The following LARGE1 variants were observed in gnomAD, a reference collection of about 807,000 sequenced individuals.
LARGE1 encodes LARGE xylosyl- and glucuronyltransferase 1, also known as xylosyl- and glucuronyltransferase LARGE1.
A neutral mutation model predicts 87.6 loss-of-function variants in LARGE1; 43 were observed. The observed-to-expected ratio is 0.49, with a 90% CI of 0.38 to 0.63. LARGE1 has a LOEUF of 0.63. LARGE1 is among the 30% of genes least tolerant of loss of function. The pLI is 0.00. For synonymous variants in LARGE1, 434 were observed against 394.6 expected (o/e 1.10, Z -1.18); for missense variants, 802 against 1,000.2 (o/e 0.80, Z 2.67).
chr22:33,657,893 C>A (rs923919205), intron 2 of LARGE1, among the ~76,000 whole-genome samples: 4 of 151,684 alleles, frequency 2.6e-5, no homozygotes, highest in African/African-American at 9.7e-5. Flanking sequence ...ATTTATGCAA[C>A]GCTGTCATGA....
At chr22:33,203,087 C>CTGTG (rs1407838708) in intron 11 of LARGE1, among the ~76,000 whole-genome samples, 3 of 134,026 alleles carry the variant, frequency 2.2e-5, no homozygotes, top group African/African-American at 8.5e-5. Flanking sequence ...CTCTCTCTCT[C>CTGTG]TCTCTCTCTC....
the LARGE1 span, among the ~76,000 whole-genome samples, chr22:33,146,023 C>T: frequency 6.6e-6 from 1 of 152,158 alleles, no homozygotes; most frequent in African/African-American, 2.4e-5. Flanking sequence ...CCATTCAACT[C>T]CTTTATTAAG....
At chr22:33,323,947 C>G (rs1449785312) in intron 10 of LARGE1, among the ~76,000 whole-genome samples, 1 of 152,140 alleles carries the variant, frequency 6.6e-6, no homozygotes, top group Non-Finnish European at 1.5e-5. Context: ...AAACTGCCTC[C>G]TTGGCCAGAT....
rs1307893839 is a variant in LARGE1, at chr22:33,834,417, T to C, written c.-82-72859A>G. Among the ~76,000 whole-genome samples, 3 of 152,128 alleles carry C rather than the reference T, an allele frequency of 2.0e-5. No individual in the cohort carries two copies. In the South Asian group the frequency reaches 6.2e-4, roughly 31 times the overall value. On this transcript the variant is annotated intron_variant, in intron 1 of 14. Coordinates refer to ENST00000397394, the MANE Select transcript of LARGE1 (RefSeq NM_133642.5). ...CAGGTTCCTGCCTTAACTGATGACA[T>C]TACCTTGTGAAACTCCTTCTCCTGG...
the LARGE1 span, among the ~76,000 whole-genome samples, chr22:33,099,903 T>C: frequency 6.6e-6 from 1 of 152,182 alleles, no homozygotes; most frequent in African/African-American, 2.4e-5. Context: ...TGCATTTCCA[T>C]AACAGCTGTT....
chr22:33,735,242 G>A (rs1166826886), intron 2 of LARGE1, among the ~76,000 whole-genome samples: 1 of 152,148 alleles, frequency 6.6e-6, no homozygotes, highest in Non-Finnish European at 1.5e-5. Context: ...CCTTCCCACA[G>A]TTGCTGCACC....
At chr22:33,681,255 C>T (rs2081761715) in intron 2 of LARGE1, among the ~76,000 whole-genome samples, 1 of 152,142 alleles carries the variant, frequency 6.6e-6, no homozygotes, top group African/African-American at 2.4e-5. Flanking sequence ...CACCCCAAAA[C>T]ATTTGCAGGG....
chr22:33,878,139 T>C (rs952237113), intron 1 of LARGE1, among the ~76,000 whole-genome samples: 3 of 113,226 alleles, frequency 2.6e-5, no homozygotes, highest in Non-Finnish European at 5.7e-5. Flanking sequence ...CTTTTTTTTT[T>C]TTTTTTTTTT....
At chr22:33,270,347 T>G (rs1361532231), downstream of LARGE1, among the ~76,000 whole-genome samples, 1 of 152,150 alleles carries the variant, frequency 6.6e-6, no homozygotes, top group South Asian at 2.1e-4. Flanking sequence ...ATGAAGTACA[T>G]GAAGATACGA....
At chr22:33,710,637 T>C (rs1305349030) in intron 2 of LARGE1, among the ~76,000 whole-genome samples, 1 of 152,238 alleles carries the variant, frequency 6.6e-6, no homozygotes, top group East Asian at 1.9e-4. Context: ...TCATTTGATT[T>C]TTCTGAGCAG....
intron 5 of LARGE1, among the ~76,000 whole-genome samples, chr22:33,594,687 A>C (rs772836614): frequency 6.6e-6 from 1 of 152,046 alleles, no homozygotes; most frequent in Non-Finnish European, 1.5e-5. Flanking sequence ...GCTCACTGCA[A>C]CCTCCGCCTC....
At chr22:33,477,597 C>T (rs1345823086) in intron 6 of LARGE1, among the ~76,000 whole-genome samples, 3 of 152,162 alleles carry the variant, frequency 2.0e-5, no homozygotes, top group Non-Finnish European at 4.4e-5. Flanking sequence ...CAACTCCCCC[C>T]AGCCATGCAC....
intron 5 of LARGE1, among the ~76,000 whole-genome samples, chr22:33,568,736 A>G (rs2078102897): frequency 2.1e-5 from 3 of 140,228 alleles, no homozygotes; most frequent in Admixed American, 8.2e-5. Flanking sequence ...ATTGCACTCC[A>G]GCCTGGGCAA....
At chr22:33,468,499 G>A (rs1408335967) in intron 6 of LARGE1, among the ~76,000 whole-genome samples, 1 of 152,084 alleles carries the variant, frequency 6.6e-6, no homozygotes, top group Non-Finnish European at 1.5e-5. Context: ...ACCATCTTTA[G>A]GCAGCACATT....
Position 33,552,883 on chromosome 22 carries a change from C to T in LARGE1, c.787+11965G>A, listed in dbSNP as rs944572230. 1.6e-4 allele frequency among the ~76,000 whole-genome samples: 24 copies of T among 152,052 alleles called. 2 individuals are homozygous for T. Among genetic ancestry groups the T allele is most frequent in the Admixed American group, 1.4e-3 (22 of 15,262 alleles). Reference sequence around the variant, plus strand: ...TACTAGGTGAATTACATATTTTGCTCCTAACATAATATTCCCATTGAGAAT... The same window carrying T: ...TACTAGGTGAATTACATATTTTGCTTCTAACATAATATTCCCATTGAGAAT... On this transcript the variant is annotated intron_variant, in intron 6 of 14. Coordinates refer to ENST00000397394, the MANE Select transcript of LARGE1 (RefSeq NM_133642.5).
chr22:33,738,674 C>T (rs140417520), intron 2 of LARGE1, among the ~76,000 whole-genome samples: 1,784 of 151,986 alleles, frequency 0.012, 35 homozygotes, highest in African/African-American at 0.04. Flanking sequence ...GGTGAAACCC[C>T]GTCTCTACTA....
intron 1 of LARGE1, among the ~76,000 whole-genome samples, chr22:33,807,794 T>C (rs951877641): frequency 1.3e-5 from 2 of 152,226 alleles, no homozygotes; most frequent in Non-Finnish European, 1.5e-5. Flanking sequence ...TTTAGTCATA[T>C]GTATTTAAAT....
intron 6 of LARGE1, among the ~76,000 whole-genome samples, chr22:33,528,031 G>A (rs1422963187): frequency 1.4e-5 from 2 of 146,206 alleles, no homozygotes; most frequent in Non-Finnish European, 3.0e-5. Context: ...AAGATTAAAC[G>A]AGAAAAAAAC....
At chr22:33,504,807 A>T (rs1042511910) in intron 6 of LARGE1, among the ~76,000 whole-genome samples, 3 of 152,266 alleles carry the variant, frequency 2.0e-5, no homozygotes, top group Admixed American at 2.0e-4. Flanking sequence ...ATTTAAAAAA[A>T]ATAACATAGT....
Sources: gnomAD v4.1 joint callset for allele counts (sites outside exome capture counted in the v4.1 genomes callset) on GRCh38, gnomAD v4.1.1 for gene constraint, MANE v1.5 for transcripts, NCBI Gene and HGNC (gene_info 2026-07-23, HGNC 2026-07-21) for gene names.